Variants in ROBO1 observed in about 807,000 individuals in gnomAD.
ROBO1 encodes roundabout homolog 1.
In ROBO1, 149 loss-of-function variants were observed where a neutral mutation model predicts 195.9. That is an observed-to-expected ratio of 0.76 (90% confidence interval 0.67 to 0.87). The LOEUF is 0.87. Among genes scored for constraint, ROBO1 ranks in the 40% least tolerant of loss-of-function variants. The probability of loss-of-function intolerance (pLI) is 0.00; values close to 1 mark genes in which losing one functional copy is unlikely to be tolerated. For synonymous variants in ROBO1, 816 were observed against 733.2 expected (o/e 1.11, Z -1.82); for missense variants, 1,933 against 2,068.3 (o/e 0.93, Z 1.27).
intron 4 of ROBO1, among the ~76,000 whole-genome samples, chr3:78,755,033 A>C (rs2082893228): frequency 6.6e-6 from 1 of 152,204 alleles, no homozygotes; most frequent in South Asian, 2.1e-4. Flanking sequence ...TGCTATGCAC[A>C]GCAGCCATGA....
intron 3 of ROBO1, among the ~76,000 whole-genome samples, chr3:79,039,785 A>C (rs930652598): frequency 1.5e-5 from 1 of 68,464 alleles, no homozygotes; most frequent in South Asian, 5.5e-4. Context: ...CTGGGCTACA[A>C]AGCAAGACTC....
At chr3:79,295,882 A>G (rs1190167580) in intron 2 of ROBO1, among the ~76,000 whole-genome samples, 1 of 152,208 alleles carries the variant, frequency 6.6e-6, no homozygotes, top group Admixed American at 6.5e-5. Flanking sequence ...AAAGAACAAA[A>G]CAACTAAACT....
intron 4 of ROBO1, among the ~76,000 whole-genome samples, chr3:78,816,825 T>C (rs958976695): frequency 6.6e-6 from 1 of 152,110 alleles, no homozygotes; most frequent in Non-Finnish European, 1.5e-5. Context: ...AGTCACTTCT[T>C]ATGGATAAGC....
intron 2 of ROBO1, among the ~76,000 whole-genome samples, chr3:79,552,014 A>AAAAAAAAG (rs1942539032): frequency 8.7e-6 from 1 of 114,360 alleles, no homozygotes; most frequent in African/African-American, 3.6e-5. Context: ...AAAAAAAAAA[A>AAAAAAAAG]CAGAGCTCGA....
At chr3:79,134,054 A>C (rs2080348314) in intron 2 of ROBO1, among the ~76,000 whole-genome samples, 1 of 149,818 alleles carries the variant, frequency 6.7e-6, no homozygotes, top group Non-Finnish European at 1.5e-5. Context: ...AATTAAACTA[A>C]AGAGCTTCTG....
intron 2 of ROBO1, among the ~76,000 whole-genome samples, chr3:79,358,417 TA>T (rs2035641770): frequency 6.6e-6 from 1 of 152,066 alleles, no homozygotes; most frequent in South Asian, 2.1e-4. Context: ...GGATTTGGTT[TA>T]GGAAGACGTT....
intron 2 of ROBO1, among the ~76,000 whole-genome samples, chr3:79,129,388 G>A (rs1245879973): frequency 6.6e-6 from 1 of 151,926 alleles, no homozygotes; most frequent in Non-Finnish European, 1.5e-5. Flanking sequence ...GGTTATATGT[G>A]TGTGTGTATA....
At chr3:78,728,604 G>T (rs1172329319) in intron 5 of ROBO1, among the ~76,000 whole-genome samples, 1 of 152,068 alleles carries the variant, frequency 6.6e-6, no homozygotes, top group East Asian at 1.9e-4. Flanking sequence ...CCTGGGGTTT[G>T]CACAAAAAAT....
At chr3:78,883,653 C>T (rs1434549920) in intron 4 of ROBO1, among the ~76,000 whole-genome samples, 2 of 152,240 alleles carry the variant, frequency 1.3e-5, no homozygotes, top group East Asian at 3.9e-4. Context: ...AGCTACAGTG[C>T]CCTGCTAAAC....
chr3:79,348,871 T>C (rs1163217148), intron 2 of ROBO1, among the ~76,000 whole-genome samples: 1 of 152,112 alleles, frequency 6.6e-6, no homozygotes, highest in East Asian at 1.9e-4. Context: ...AAGTTTCCTC[T>C]CCAAAATAGG....
intron 4 of ROBO1, among the ~76,000 whole-genome samples, chr3:78,784,380 A>G (rs1033804339): frequency 2.6e-5 from 4 of 152,180 alleles, no homozygotes; most frequent in African/African-American, 9.7e-5. Context: ...CTAATGAATA[A>G]GAAATTAATA....
At chr3:79,462,140 A>G (rs2107266764) in intron 2 of ROBO1, among the ~76,000 whole-genome samples, 1 of 152,260 alleles carries the variant, frequency 6.6e-6, no homozygotes, top group African/African-American at 2.4e-5. Context: ...TGTAGGGTAG[A>G]AAAAGTAGAC....
chr3:78,651,816 T>A lies in ROBO1; in HGVS notation c.2728A>T (p.Ile910Phe). The A allele has an allele frequency of 1.9e-6, 3 of 1,613,834 alleles. No individual in the cohort carries two copies. The highest frequency in any genetic ancestry group is 2.5e-6 in the Non-Finnish European group (3 of 1,179,754). The part of the protein sequence containing the change: ...IAGIGAACWI[I>F]LMVFSIWLYR... ...AGCCAGATGCTGAAGACCATGAGGA[T>A]GATCCAACAGGCTGCTCCAATACCT... The change falls in exon 19 of 31, where the codon ATC (isoleucine) becomes TTC (phenylalanine). Residue 910 changes from isoleucine (I) to phenylalanine (F), a missense_variant. This residue lies in a region of ROBO1 where 1,737 missense variants were observed against 1,882.5 expected (regional missense o/e 0.92). Transcript: ENST00000464233.
intron 1 of ROBO1, among the ~76,000 whole-genome samples, chr3:79,684,383 T>G (rs952805404): frequency 1.3e-5 from 2 of 152,142 alleles, no homozygotes; most frequent in Admixed American, 1.3e-4. Context: ...CTGGATTTCC[T>G]TATGATTCTT....
At chr3:79,218,710 A>G (rs1414147976) in intron 2 of ROBO1, among the ~76,000 whole-genome samples, 1 of 151,626 alleles carries the variant, frequency 6.6e-6, no homozygotes. Context: ...AGACAAAGAG[A>G]CTCCCTCGAG....
Position 78,639,781 on chromosome 3 carries a change from T to C in ROBO1, c.3000A>G (p.Gly1000=). The C allele has an allele frequency of 6.2e-7, 1 of 1,613,444 alleles. No homozygotes were observed. The highest frequency in any genetic ancestry group is 8.5e-7 in the Non-Finnish European group (1 of 1,179,472). Residue 1000 remains glycine, a synonymous_variant, in exon 22 of 31, where the codon GGA becomes GGG. Coordinates refer to ENST00000464233, the MANE Select transcript of ROBO1 (RefSeq NM_002941.4). Reference sequence around the variant, plus strand: ...AGGTAGTGAGGTTGCTGTCGCTGTTTCCATTGCCTGCCGTGCAGCAGCTGA... The same window carrying C: ...AGGTAGTGAGGTTGCTGTCGCTGTTCCCATTGCCTGCCGTGCAGCAGCTGA... The part of the protein sequence containing the change: ...CSISCCTAGN[G]NSDSNLTTYS...
At chr3:78,665,350 G>A (rs920058880) in intron 14 of ROBO1, among the ~76,000 whole-genome samples, 3 of 152,166 alleles carry the variant, frequency 2.0e-5, no homozygotes, top group East Asian at 1.9e-4. Context: ...AGATCACTCC[G>A]AAAGCCCTGA....
chr3:78,886,896 T>C (rs1393955396), intron 4 of ROBO1, among the ~76,000 whole-genome samples: 3 of 152,098 alleles, frequency 2.0e-5, no homozygotes, highest in Non-Finnish European at 4.4e-5. Flanking sequence ...TCCAAGGAGA[T>C]TCTGAGTTGC....
chr3:79,594,557 C>T (rs1213646594), intron 1 of ROBO1, among the ~76,000 whole-genome samples: 1 of 151,862 alleles, frequency 6.6e-6, no homozygotes, highest in African/African-American at 2.4e-5. Flanking sequence ...AGTAATATAA[C>T]CAGTGTTTTA....
Sources: allele counts gnomAD v4.1 joint callset (sites outside exome capture counted in the v4.1 genomes callset), GRCh38; gene constraint gnomAD v4.1.1; regional missense constraint gnomAD v4.1.1; transcripts MANE v1.5; gene names NCBI Gene and HGNC (gene_info 2026-07-23, HGNC 2026-07-21).